CCDC85C: variants seen among roughly 807,000 people sequenced by gnomAD.
The protein encoded by CCDC85C is coiled-coil domain-containing protein 85C.
Under a neutral mutation model 38.3 loss-of-function variants are expected in CCDC85C, and 18 were observed. The observed-to-expected ratio is 0.47, with a 90% confidence interval of 0.33 to 0.70. CCDC85C has a LOEUF of 0.70. Ranked by LOEUF, CCDC85C falls within the 30% of genes least tolerant of loss-of-function variation. CCDC85C has a pLI of 0.03. For synonymous variants in CCDC85C, 264 were observed against 293.8 expected, an observed-to-expected ratio of 0.90 and a Z score of 1.04; for missense variants, 566 against 621.2, an observed-to-expected ratio of 0.91 and a Z score of 0.94.
chr14:99,507,563 C>CA lies in CCDC85C; in HGVS notation c.*7682dup. The CA allele has an allele frequency of 5.9e-6, 1 of 168,578 alleles. No individual in the cohort carries two copies. The highest frequency in any genetic ancestry group is 1.3e-5 in the Non-Finnish European group (1 of 77,600). The allele number at this position is 168,578 out of a possible 1,614,324, so 10.4% of individuals were successfully genotyped here. A position where few individuals can be genotyped will look rare whatever the true frequency, so the allele number is the denominator to read the frequency against. On this transcript the variant is annotated 3_prime_UTR_variant, in exon 6 of 6. Coordinates refer to ENST00000380243, the MANE Select transcript of CCDC85C (RefSeq NM_001144995.2). ...CCTGGGTGAGAGGGAGACCGTGTCT[C>CA]AAAGTTCTGATTTTGACCAGGTATT...
At chr14:99,521,005 G>A (rs10220705) in intron 3 of CCDC85C, among the ~76,000 whole-genome samples, 8,234 of 152,290 alleles carry the variant, frequency 0.054, 447 homozygotes, top group African/African-American at 0.14. Flanking sequence ...AGCATCTGGC[G>A]GGCCTGGTAC....
rs1462339928 is a variant in CCDC85C at position 99,517,078 on chromosome 14, T to A, written c.1071+10A>T. ...TGAGGACTTCTGAGGGAGCGGGTAG[T>A]GGCCCTCACCTTCATGGCATGCACG... On this transcript the variant is annotated intron_variant, in intron 4 of 5. Transcript: ENST00000380243. 14 of 1,549,772 alleles carry A rather than the reference T, an allele frequency of 9.0e-6. No homozygotes were observed. The highest frequency in any genetic ancestry group is 1.1e-5 in the Non-Finnish European group (13 of 1,146,374).
At chr14:99,602,623 C>T (rs554096783) in intron 1 of CCDC85C, among the ~76,000 whole-genome samples, 3 of 152,278 alleles carry the variant, frequency 2.0e-5, no homozygotes, top group African/African-American at 4.8e-5. Flanking sequence ...AGGCTCTGAG[C>T]CCCAGGCCTC....
chr14:99,519,099 CTTTTTTTTTTTTTTTTTTTTT>C (rs59524541), intron 3 of CCDC85C, among the ~76,000 whole-genome samples: 1 of 52,218 alleles, frequency 1.9e-5, no homozygotes, highest in South Asian at 9.3e-4. Context: ...TCATACATGC[CTTTTTTTTTTTTTTTTTTTTT>C]TTTTTTTTTT....
At position 99,502,596 on chromosome 14, in the gene CCDC85C, G is replaced by T; in HGVS notation, c.*12650C>A. The T allele has an allele frequency of 1.7e-6, 2 of 1,205,992 alleles. No homozygotes were observed. Among genetic ancestry groups the T allele is most frequent in the Non-Finnish European group, 1.2e-6 (1 of 857,744 alleles). The allele number at this position is 1,205,992 out of a possible 1,614,324, so 74.7% of individuals were successfully genotyped here. Reference sequence around the variant, plus strand: ...CAGTGTTGCACACAACGAAGATGGGGTGAGTTGTAAATGTGATTCATGCTT... The same window carrying T: ...CAGTGTTGCACACAACGAAGATGGGTTGAGTTGTAAATGTGATTCATGCTT... On this transcript the variant is annotated 3_prime_UTR_variant, in exon 6 of 6. Transcript: ENST00000380243.
chr14:99,511,781 T>C lies in CCDC85C; in HGVS notation c.*3465A>G, dbSNP rs1897136506. The C allele has an allele frequency of 6.6e-6, 1 of 152,628 alleles. No homozygotes were observed. Among genetic ancestry groups the C allele is most frequent in the South Asian group, 2.1e-4 (1 of 4,838 alleles). The allele number at this position is 152,628 out of a possible 1,614,324, so 9.5% of individuals were successfully genotyped here. A position where few individuals can be genotyped will look rare whatever the true frequency, so the allele number is the denominator to read the frequency against. On this transcript the variant is annotated 3_prime_UTR_variant, in exon 6 of 6. Coordinates refer to ENST00000380243, the MANE Select transcript of CCDC85C (RefSeq NM_001144995.2). ...TGAGTTCCAAACCAGTTTGAAACTT[T>C]GAAGCCTTGCTGCGTAGAACGCACA...
At position 99,603,273 on chromosome 14, in the gene CCDC85C, G is replaced by T; in HGVS notation, c.687C>A (p.Pro229=). ...HHHHVPPPLL[P]PGPHKAPDGK... The stretch of plus-strand genomic sequence containing the variant: ...CGTCGGGGGCCTTGTGCGGCCCGGG[G>T]GGCAGCAGCGGGGGTGGGACGTGGT... Residue 229 remains proline, a synonymous_variant, in exon 1 of 6, where the codon CCC becomes CCA. Transcript: ENST00000380243. This position sits in a 1 kb window ranked among gnomAD's most constrained non-coding sequence, Gnocchi z 7.5. 7.2e-7 allele frequency: 1 copy of T among 1,382,446 alleles called. No individual in the cohort carries two copies. The highest frequency in any genetic ancestry group is 1.6e-5 in the South Asian group (1 of 61,792). 85.6% of individuals were successfully genotyped at this position (1,382,446 alleles called of 1,614,324 possible). A position where few individuals can be genotyped will look rare whatever the true frequency, so the allele number is the denominator to read the frequency against.
At chr14:99,580,020 C>A (rs1249316760) in intron 1 of CCDC85C, 5 of 455,570 alleles carry the variant, frequency 1.1e-5, no homozygotes, top group East Asian at 1.4e-4. Context: ...ACCCCACATA[C>A]CCCGGAGTGA....
Position 99,545,877 on chromosome 14 carries a change from TG to T in CCDC85C, c.794-9790del, listed in dbSNP as rs1284193631. Among the ~76,000 whole-genome samples, 3 of 152,058 alleles carry T rather than the reference TG, an allele frequency of 2.0e-5. 1 individual carries two copies. The highest frequency in any genetic ancestry group is 4.4e-5 in the Non-Finnish European group (3 of 68,002). On this transcript the variant is annotated intron_variant, in intron 1 of 5. Transcript: ENST00000380243. This position sits in a 1 kb window ranked among gnomAD's most constrained non-coding sequence, Gnocchi z 4.7. ...GTTTGCATTTTAAACGCCCTGTGGG[TG>T]ATTCTAACATGCAGCTCTGTGGTCA...
rs1220558915 is a variant in CCDC85C, at chr14:99,548,407, G to A, written c.794-12319C>T. On this transcript the variant is annotated intron_variant, in intron 1 of 5. Transcript: ENST00000380243. The surrounding 1 kb of genome is among the most constrained non-coding windows in gnomAD (Gnocchi z 4.9). ...GGTCATGCTGTGTGACGGTGCACAC[G>A]TAAGAACGGGCCACACAGGGGATGC... Among the ~76,000 whole-genome samples the A allele has an allele frequency of 7.9e-5, 12 of 152,128 alleles. No individual in the cohort carries two copies. Among genetic ancestry groups the A allele is most frequent in the Admixed American group, 5.9e-4 (9 of 15,270 alleles).
intron 1 of CCDC85C, among the ~76,000 whole-genome samples, chr14:99,595,599 C>A (rs1595109162): frequency 3.3e-5 from 5 of 152,198 alleles, no homozygotes; most frequent in Admixed American, 3.3e-4. Flanking sequence ...ATTCGGCCAC[C>A]CCTCCTCTGA....
chr14:99,515,731 C>T (rs1471168498), intron 5 of CCDC85C, among the ~76,000 whole-genome samples: 2 of 152,130 alleles, frequency 1.3e-5, no homozygotes, highest in African/African-American at 2.4e-5. Flanking sequence ...TCAGCTGGGT[C>T]GAGCACGGAG....
rs10135195 is a variant in CCDC85C at position 99,545,765 on chromosome 14, G to A, written c.794-9677C>T. Among the ~76,000 whole-genome samples, 1,528 of 152,232 alleles carry A rather than the reference G, an allele frequency of 0.01. 29 individuals carry two copies. Among genetic ancestry groups the A allele is most frequent in the African/African-American group, 0.033 (1,367 of 41,534 alleles). On this transcript the variant is annotated intron_variant, in intron 1 of 5. Transcript: ENST00000380243. The surrounding 1 kb of genome is among the most constrained non-coding windows in gnomAD (Gnocchi z 4.7). ...CTCCCAGCATCAGGCTGAAAGGTAC[G>A]CCCTCCTGGCTCCTTGGAGAGCTTT...
chr14:99,510,109 C>G lies in CCDC85C; in HGVS notation c.*5137G>C. ...GAAGGGCCAGGAGGCACTGAAAAAG[C>G]AACCATTGCTGGCGGAGGCCGGGCA... is the stretch of plus-strand genomic sequence containing the variant. On this transcript the variant is annotated 3_prime_UTR_variant, in exon 6 of 6. Coordinates refer to ENST00000380243, the MANE Select transcript of CCDC85C (RefSeq NM_001144995.2). 1.3e-6 allele frequency: 2 copies of G among 1,544,450 alleles called. No homozygotes were observed. The highest frequency in any genetic ancestry group is 1.4e-5 in the African/African-American group (1 of 73,762).
In CCDC85C at chr14:99,577,937, T is replaced by C. The variant is rs577440742; in HGVS notation, c.793+25230A>G. ...CCATCAGTGTGTGTGTGTGTGTGTG[T>C]GTGTGTACACATCTCTACACCCATA... On this transcript the variant is annotated intron_variant, in intron 1 of 5. Coordinates refer to ENST00000380243, the MANE Select transcript of CCDC85C (RefSeq NM_001144995.2). Among the ~76,000 whole-genome samples the C allele has an allele frequency of 5.2e-3, 781 of 150,306 alleles. 11 individuals are homozygous for C. The highest frequency in any genetic ancestry group is 0.018 in the African/African-American group (729 of 40,510).
chr14:99,528,075 C>T, intron 2 of CCDC85C, among the ~76,000 whole-genome samples: 1 of 152,186 alleles, frequency 6.6e-6, no homozygotes, highest in East Asian at 1.9e-4. Context: ...GCCAGCGCAG[C>T]CTGGGAAGGA....
rs1897791122 is a variant in CCDC85C, at chr14:99,545,624, A to G, written c.794-9536T>C. Among the ~76,000 whole-genome samples the G allele has an allele frequency of 6.6e-6, 1 of 152,050 alleles. No homozygotes were observed. Among genetic ancestry groups the G allele is most frequent in the African/African-American group, 2.4e-5 (1 of 41,466 alleles). ...CCATCACACTCCCCTACCAACCCCA[A>G]CTTCACTGCTGAAGTTGGGAATCAG... On this transcript the variant is annotated intron_variant, in intron 1 of 5. Transcript: ENST00000380243. The surrounding 1 kb of genome is among the most constrained non-coding windows in gnomAD (Gnocchi z 4.7).
Position 99,512,220 on chromosome 14 carries a change from G to A in CCDC85C, c.*3026C>T, listed in dbSNP as rs1315572404. On this transcript the variant is annotated 3_prime_UTR_variant, in exon 6 of 6. Coordinates refer to ENST00000380243, the MANE Select transcript of CCDC85C (RefSeq NM_001144995.2). ...AGGTAGAAACAGGCCGGGAGTCCAC[G>A]GGCTCCCAGCTCTAAACGGCGCCAG... The A allele has an allele frequency of 6.6e-6, 1 of 152,086 alleles. No individual in the cohort carries two copies. Among genetic ancestry groups the A allele is most frequent in the Non-Finnish European group, 1.5e-5 (1 of 68,010 alleles). The allele number at this position is 152,086 out of a possible 1,614,324, so 9.4% of individuals were successfully genotyped here. A position where few individuals can be genotyped will look rare whatever the true frequency, so the allele number is the denominator to read the frequency against.
rs373185963 is a variant in CCDC85C at position 99,567,552 on chromosome 14, CAG to C, written c.794-31466_794-31465del. ...TTAAGATAGGGCAGGAGGCCGGACA[CAG>C]GGGCTCATGCCTGTAATCCCAGCAC... On this transcript the variant is annotated intron_variant, in intron 1 of 5. Coordinates refer to ENST00000380243, the MANE Select transcript of CCDC85C (RefSeq NM_001144995.2). Among the ~76,000 whole-genome samples the C allele has an allele frequency of 5.8e-4, 88 of 152,316 alleles. 2 individuals are homozygous for C. In the East Asian group the frequency reaches 0.015, roughly 27 times the overall value.
Sources: gnomAD v4.1 joint callset for allele counts (sites outside exome capture counted in the v4.1 genomes callset) on GRCh38, gnomAD v4.1.1 for gene constraint, Gnocchi (gnomAD v3.1) non-coding constraint, MANE v1.5 for transcripts, NCBI Gene and HGNC (gene_info 2026-07-23, HGNC 2026-07-21) for gene names.